The following STXBP5L variants were observed in gnomAD, a reference collection of about 807,000 sequenced individuals.
STXBP5L encodes the protein syntaxin binding protein 5L, also known as syntaxin-binding protein 5-like.
STXBP5L carries 65 observed loss-of-function variants against 144.5 expected under a neutral mutation model. That is an observed-to-expected ratio of 0.45 (90% CI 0.37 to 0.55). The LOEUF (loss-of-function observed/expected upper bound fraction) is 0.55. Among genes scored for constraint, STXBP5L ranks in the 20% least tolerant of loss-of-function variants. The pLI, the probability that STXBP5L is intolerant of heterozygous loss-of-function variation, is 0.00. For synonymous variants in STXBP5L, 505 were observed against 469.6 expected (o/e 1.08, Z -0.97); for missense variants, 1,298 against 1,405.5 (o/e 0.92, Z 1.22).
At chr3:121,345,204 C>A (rs1353755100) in intron 20 of STXBP5L, among the ~76,000 whole-genome samples, 1 of 151,988 alleles carries the variant, frequency 6.6e-6, no homozygotes, top group Non-Finnish European at 1.5e-5. Flanking sequence ...GTTCCTCACC[C>A]TGTATCCAAG....
chr3:121,267,386 C>T (rs973307904), intron 18 of STXBP5L, among the ~76,000 whole-genome samples: 3 of 152,144 alleles, frequency 2.0e-5, no homozygotes, highest in Non-Finnish European at 4.4e-5. Context: ...AGACCCTTTC[C>T]TTAGACCTTA....
intron 18 of STXBP5L, among the ~76,000 whole-genome samples, chr3:121,265,190 G>A (rs1257843764): frequency 1.3e-5 from 2 of 152,062 alleles, no homozygotes; most frequent in African/African-American, 4.8e-5. Flanking sequence ...GCACCACAAT[G>A]CACTTATTCT....
chr3:120,950,539 AT>A (rs927042169), intron 2 of STXBP5L, among the ~76,000 whole-genome samples: 14 of 149,330 alleles, frequency 9.4e-5, no homozygotes, highest in South Asian at 2.1e-4. Flanking sequence ...TAGTTTGTCA[AT>A]TTTTTTTATT....
chr3:121,276,792 C>T (rs538564370), intron 18 of STXBP5L, among the ~76,000 whole-genome samples: 1 of 151,676 alleles, frequency 6.6e-6, no homozygotes, highest in East Asian at 1.9e-4. Flanking sequence ...TAGTTGTTTT[C>T]AGCAATATGA....
chr3:121,354,645 C>A (rs746292990), intron 20 of STXBP5L, among the ~76,000 whole-genome samples: 1 of 150,228 alleles, frequency 6.7e-6, no homozygotes, highest in Non-Finnish European at 1.5e-5. Context: ...GACTCTTTAT[C>A]CAATTTGCCA....
chr3:120,938,451 A>T (rs1429740701), intron 2 of STXBP5L, among the ~76,000 whole-genome samples: 1 of 152,184 alleles, frequency 6.6e-6, no homozygotes, highest in African/African-American at 2.4e-5. Flanking sequence ...CACAGCTAGA[A>T]AGTTAGCATA....
In STXBP5L at chr3:121,077,369, G is replaced by A. The variant is rs183326360; in HGVS notation, c.470+31834G>A. Among the ~76,000 whole-genome samples the A allele has an allele frequency of 5.8e-4, 89 of 152,198 alleles. 1 individual carries two copies. Among genetic ancestry groups the A allele is most frequent in the South Asian group, 1.0e-3 (5 of 4,816 alleles). ...GTGAGTGTTAACAGTTCTTAAAGGC[G>A]GAGTGTTCGGAGTTTGTTCCTTCTG... On this transcript the variant is annotated intron_variant, in intron 5 of 26. Transcript: ENST00000471454.
chr3:120,960,856 A>T (rs1216162680), intron 3 of STXBP5L, among the ~76,000 whole-genome samples: 1 of 148,826 alleles, frequency 6.7e-6, no homozygotes, highest in African/African-American at 2.5e-5. Context: ...ACATGTATAC[A>T]TATGTAACAA....
At chr3:121,034,544 T>TCATC (rs1946620482) in intron 3 of STXBP5L, among the ~76,000 whole-genome samples, 1 of 150,330 alleles carries the variant, frequency 6.7e-6, no homozygotes, top group African/African-American at 2.5e-5. Context: ...TATCTATCTA[T>TCATC]CATCTATCTA....
intron 2 of STXBP5L, among the ~76,000 whole-genome samples, chr3:120,921,543 A>G (rs1251677264): frequency 1.3e-5 from 2 of 151,860 alleles, no homozygotes; most frequent in African/African-American, 4.8e-5. Flanking sequence ...CAAAAAAATC[A>G]TTGCCTAGAC....
intron 20 of STXBP5L, among the ~76,000 whole-genome samples, chr3:121,363,582 C>G (rs1282721562): frequency 6.6e-6 from 1 of 152,154 alleles, no homozygotes; most frequent in Admixed American, 6.5e-5. Flanking sequence ...CCCTCCCTCC[C>G]TCCCTGAGCA....
chr3:121,413,432 C>A, intron 24 of STXBP5L, 109 bp downstream of exon 24: 3 of 925,294 alleles, frequency 3.2e-6, no homozygotes, highest in Non-Finnish European at 4.6e-6. Flanking sequence ...TATGCCCTTC[C>A]AATAACATGT....
chr3:121,093,593 A>G (rs1460300173), intron 5 of STXBP5L, among the ~76,000 whole-genome samples: 2 of 151,976 alleles, frequency 1.3e-5, no homozygotes, highest in Non-Finnish European at 2.9e-5. Flanking sequence ...ATGGTAGTTT[A>G]TATTTCTGTG....
intron 7 of STXBP5L, among the ~76,000 whole-genome samples, chr3:121,136,475 G>A (rs1464905650): frequency 2.0e-5 from 3 of 152,080 alleles, no homozygotes; most frequent in African/African-American, 7.2e-5. Flanking sequence ...CTTAGTTGCA[G>A]TGCTTAATAT....
At position 121,008,342 on chromosome 3, in the gene STXBP5L, C is replaced by G. The variant is rs373929085; in HGVS notation, c.288-33358C>G. On this transcript the variant is annotated intron_variant, in intron 3 of 26. Transcript: ENST00000471454. ...TATCCAAGTGGTAGCCTTAGGTTTA[C>G]TGTAATTCTTATATCCCCTTGTAGA... is the stretch of plus-strand genomic sequence containing the variant. Among the ~76,000 whole-genome samples, 55 of 152,082 alleles carry G rather than the reference C, an allele frequency of 3.6e-4. No individual in the cohort carries two copies. The South Asian group carries it at 3.7e-3, about 10-fold the overall frequency.
intron 1 of STXBP5L, chr3:120,909,289 G>A (rs937395799): frequency 1.6e-5 from 5 of 312,088 alleles, no homozygotes; most frequent in African/African-American, 4.5e-5. Flanking sequence ...CTGATAAAGC[G>A]TAGTTACAGC....
Position 121,381,590 on chromosome 3 carries a change from G to T in STXBP5L, c.2587+58G>T, listed in dbSNP as rs1190876102. 2.2e-5 allele frequency: 34 copies of T among 1,559,598 alleles called. No individual in the cohort carries two copies. The East Asian group carries it at 7.5e-4, about 35-fold the overall frequency. On this transcript the variant is annotated intron_variant, in intron 22 of 26. Transcript: ENST00000471454. Reference sequence around the variant, plus strand: ...TTACTTTTTCAAATTTAGATATAAGGTATTATAAACATAAATTTGTATTGA... The same window carrying T: ...TTACTTTTTCAAATTTAGATATAAGTTATTATAAACATAAATTTGTATTGA...
intron 2 of STXBP5L, 49 bp from the exon 3 acceptor site, chr3:120,954,891 T>C (rs773929063): frequency 6.6e-7 from 1 of 1,504,590 alleles, no homozygotes; most frequent in Non-Finnish European, 9.1e-7. Context: ...CTTGTGATTG[T>C]AATTTTTATT....
intron 3 of STXBP5L, among the ~76,000 whole-genome samples, chr3:120,996,391 G>T (rs1251373225): frequency 1.3e-5 from 2 of 151,558 alleles, no homozygotes; most frequent in Admixed American, 6.6e-5. Flanking sequence ...TATATTTTTT[G>T]AACTGATTAC....
Sources: gnomAD v4.1 joint callset for allele counts (sites outside exome capture counted in the v4.1 genomes callset) on GRCh38, gnomAD v4.1.1 for gene constraint, MANE v1.5 for transcripts, NCBI Gene and HGNC (gene_info 2026-07-23, HGNC 2026-07-21) for gene names.